Variants in MARCHF7 observed in about 807,000 individuals in gnomAD.
MARCHF7 encodes the protein membrane associated ring-CH-type finger 7.
In MARCHF7, 20 loss-of-function variants were observed where a neutral mutation model predicts 76.5. The observed-to-expected ratio is 0.26, with a 90% CI of 0.18 to 0.38. MARCHF7 has a LOEUF of 0.38. Ranked by LOEUF, MARCHF7 falls within the 10% of genes least tolerant of loss-of-function variation. MARCHF7 has a pLI of 1.00. For missense variants in MARCHF7, 797 were observed against 812.9 expected (o/e 0.98, Z 0.24); for synonymous variants, 295 against 293.0 (o/e 1.01, Z -0.07).
intron 3 of MARCHF7, among the ~76,000 whole-genome samples, chr2:159,726,754 C>A (rs760129462): frequency 6.6e-6 from 1 of 152,166 alleles, no homozygotes; most frequent in Non-Finnish European, 1.5e-5. Flanking sequence ...CTCCATAATT[C>A]TTTTCATCTT....
intron 3 of MARCHF7, among the ~76,000 whole-genome samples, chr2:159,726,365 C>A (rs187995960): frequency 1.5e-3 from 228 of 152,238 alleles, no homozygotes; most frequent in African/African-American, 5.1e-3. Flanking sequence ...CGGGTTCACG[C>A]CATTCTCCTG....
intron 9 of MARCHF7, 41 bp from the exon 10 acceptor site, chr2:159,762,839 C>T (rs180901737): frequency 1.2e-4 from 147 of 1,214,086 alleles, no homozygotes; most frequent in Middle Eastern, 7.8e-4. Context: ...ATTTTTCATT[C>T]TCTGTATTTT....
At position 159,747,552 on chromosome 2, in the gene MARCHF7, T is replaced by G. The variant is rs553091989; in HGVS notation, c.515-253T>G. 3.3e-5 allele frequency among the ~76,000 whole-genome samples: 5 copies of G among 152,306 alleles called. 1 individual carries two copies. In the South Asian group the frequency reaches 1.0e-3, roughly 32 times the overall value. The stretch of plus-strand genomic sequence containing the variant: ...TGTTTTAATTTTATCAAATAAAATT[T>G]TCATAAGCTCATAATACATTTCTTT... On this transcript the variant is annotated intron_variant, in intron 6 of 11. Coordinates refer to ENST00000409175, the MANE Select transcript of MARCHF7 (RefSeq NM_001282805.2).
At position 159,729,114 on chromosome 2, in the gene MARCHF7, G is replaced by C; in HGVS notation, c.92G>C (p.Ser31Thr). Residue 31 changes from serine (S) to threonine (T), a missense_variant, in exon 4 of 12, where the codon AGT becomes ACT. Ser to Thr is a moderately conservative substitution (Grantham distance 58). Around this residue, in one of 3 missense-constraint regions of MARCHF7, gnomAD observed 643 missense variants for 631.5 expected, o/e 1.02. Transcript: ENST00000409175. ...AGGATGATGTCTGGAAGCAGAGGAAGTAGTTTAAATGATACCTATCACTCA... is the reference window on the plus strand; with the variant it reads ...AGGATGATGTCTGGAAGCAGAGGAACTAGTTTAAATGATACCTATCACTCA... ...SARMMSGSRG[S>T]SLNDTYHSRD... is the part of the protein sequence containing the mutation. 2 of 1,611,150 alleles carry C rather than the reference G, an allele frequency of 1.2e-6. No homozygotes were observed. Among genetic ancestry groups the C allele is most frequent in the Non-Finnish European group, 1.7e-6 (2 of 1,178,868 alleles).
At chr2:159,734,581 C>T (rs1703228317) in intron 4 of MARCHF7, among the ~76,000 whole-genome samples, 1 of 152,112 alleles carries the variant, frequency 6.6e-6, no homozygotes, top group East Asian at 1.9e-4. Flanking sequence ...ATAGGCATTG[C>T]ATAAACCCTG....
chr2:159,724,884 A>G (rs959561830), intron 3 of MARCHF7, among the ~76,000 whole-genome samples: 1 of 152,052 alleles, frequency 6.6e-6, no homozygotes, highest in East Asian at 1.9e-4. Context: ...CCCTGTGTCC[A>G]AGTGTTCTCA....
chr2:159,736,258 C>G (rs563007624), intron 4 of MARCHF7, among the ~76,000 whole-genome samples: 1 of 152,228 alleles, frequency 6.6e-6, no homozygotes, highest in East Asian at 1.9e-4. Context: ...ATTCCAGTCT[C>G]TCCACATTCT....
chr2:159,764,729 C>T, intron 11 of MARCHF7, 55 bp downstream of exon 11: 1 of 1,444,262 alleles, frequency 6.9e-7, no homozygotes, highest in East Asian at 2.4e-5. Flanking sequence ...CAAATTAAAC[C>T]CAAAGCAAAA....
In MARCHF7 at chr2:159,767,307, G is replaced by A. The variant is rs1414408416; in HGVS notation, c.2080G>A (p.Asp694Asn). The A allele has an allele frequency of 6.2e-7, 1 of 1,611,804 alleles. No homozygotes were observed. Among genetic ancestry groups the A allele is most frequent in the African/African-American group, 1.3e-5 (1 of 74,902 alleles). The stretch of plus-strand genomic sequence containing the variant: ...AGCTTCAGAGGATGATTCCGAAGAA[G>A]ACGGAGACCATAACAGGACATTTGA... ...LETSEDDSEE[D>N]GDHNRTFDIA is the part of the protein sequence containing the mutation. Residue 694 changes from aspartate to asparagine, a missense_variant, in exon 12 of 12, where the codon GAC becomes AAC. Physicochemically the swap from Asp to Asn is conservative, Grantham distance 23. Around this residue, in one of 3 missense-constraint regions of MARCHF7, gnomAD observed 124 missense variants for 121.3 expected, o/e 1.02. Transcript: ENST00000409175.
At chr2:159,719,815 A>T (rs1004859369) in intron 3 of MARCHF7, among the ~76,000 whole-genome samples, 12 of 152,330 alleles carry the variant, frequency 7.9e-5, no homozygotes, top group African/African-American at 2.4e-4. Flanking sequence ...AAAACAGAAC[A>T]GATTAGAGAC....
chr2:159,756,635 C>T (rs554180721), intron 8 of MARCHF7, among the ~76,000 whole-genome samples: 8 of 137,994 alleles, frequency 5.8e-5, no homozygotes, highest in East Asian at 2.2e-4. Flanking sequence ...TGCAGTGAGC[C>T]GAGATCACCC....
At chr2:159,747,502 A>G (rs1705052671) in intron 6 of MARCHF7, among the ~76,000 whole-genome samples, 1 of 152,178 alleles carries the variant, frequency 6.6e-6, no homozygotes, top group Admixed American at 6.5e-5. Context: ...ATCATACCAA[A>G]TAATTTCTGA....
intron 5 of MARCHF7, 114 bp from the exon 6 acceptor site, chr2:159,745,656 A>AAAC (rs1704768615): frequency 5.7e-6 from 4 of 697,806 alleles, no homozygotes; most frequent in South Asian, 2.3e-5. Context: ...ACTCCGTCTC[A>AAAC]AATAATAATA....
intron 8 of MARCHF7, among the ~76,000 whole-genome samples, chr2:159,753,674 C>G (rs2125649704): frequency 6.6e-6 from 1 of 152,240 alleles, no homozygotes; most frequent in East Asian, 1.9e-4. Context: ...ATGAAATGAT[C>G]TTATTAATAT....
At chr2:159,728,274 TA>T (rs1175262899) in intron 3 of MARCHF7, among the ~76,000 whole-genome samples, 2 of 152,334 alleles carry the variant, frequency 1.3e-5, no homozygotes, top group East Asian at 3.9e-4. Context: ...TTGCATATAA[TA>T]CTTAATAAAT....
intron 8 of MARCHF7, 116 bp from the exon 9 acceptor site, chr2:159,759,110 T>C (rs1046551121): frequency 2.7e-5 from 17 of 627,472 alleles, no homozygotes; most frequent in Admixed American, 2.3e-4. Context: ...TAATATTTCC[T>C]TTTCTTCTTC....
chr2:159,733,549 T>TAAAAAAAA (rs11432807), intron 4 of MARCHF7: 1 of 886,066 alleles, frequency 1.1e-6, no homozygotes, highest in East Asian at 1.2e-4. Flanking sequence ...GAGGCAACAT[T>TAAAAAAAA]AAAAAAAAAA....
chr2:159,755,770 A>G (rs1057291766), intron 8 of MARCHF7, among the ~76,000 whole-genome samples: 3 of 152,202 alleles, frequency 2.0e-5, no homozygotes, highest in South Asian at 2.1e-4. Flanking sequence ...GCATAGTAAC[A>G]TAGACAACTA....
chr2:159,722,279 A>G (rs894929710), intron 3 of MARCHF7, among the ~76,000 whole-genome samples: 2 of 152,126 alleles, frequency 1.3e-5, no homozygotes, highest in African/African-American at 4.8e-5. Flanking sequence ...CTGGGATCAC[A>G]GGCGCGTGCC....
Sources: gnomAD v4.1 joint callset for allele counts (sites outside exome capture counted in the v4.1 genomes callset) on GRCh38, gnomAD v4.1.1 for gene constraint, gnomAD v4.1.1 regional missense constraint, MANE v1.5 for transcripts, NCBI Gene and HGNC (gene_info 2026-07-23, HGNC 2026-07-21) for gene names.